RAB28: variants seen among roughly 807,000 people sequenced by gnomAD.
The protein encoded by RAB28 is ras-related protein Rab-28.
RAB28 carries 24 observed loss-of-function variants against 31.7 expected under a neutral mutation model. The observed-to-expected ratio is 0.76, with a 90% CI of 0.55 to 1.06. The LOEUF (loss-of-function observed/expected upper bound fraction) is 1.06, where lower values mean the gene tolerates loss of function less well. Among genes scored for constraint, RAB28 ranks in the 50% least tolerant of loss-of-function variants. The pLI is 0.00. For missense variants in RAB28, 254 were observed against 258.5 expected, an observed-to-expected ratio of 0.98 and a Z score of 0.12; for synonymous variants, 100 against 90.4, an observed-to-expected ratio of 1.11 and a Z score of -0.60.
At chr4:13,459,385 C>T (rs73231517) in intron 4 of RAB28, among the ~76,000 whole-genome samples, 28,690 of 152,134 alleles carry the variant, frequency 0.19, 3,320 homozygotes, top group Non-Finnish European at 0.25. Context: ...ATTAGTTCTG[C>T]CCCTCTACAG....
At chr4:13,372,933 T>C (rs1279542919) in intron 6 of RAB28, among the ~76,000 whole-genome samples, 1 of 151,802 alleles carries the variant, frequency 6.6e-6, no homozygotes, top group Non-Finnish European at 1.5e-5. Context: ...CAATAAGGAA[T>C]ATATATTTTT....
At chr4:13,474,597 A>G (rs1240875857) in intron 2 of RAB28, among the ~76,000 whole-genome samples, 191 bp from the exon 3 acceptor site, 1 of 151,596 alleles carries the variant, frequency 6.6e-6, no homozygotes, top group Non-Finnish European at 1.5e-5. Context: ...TGGGGAATCT[A>G]GTTTTATCTT....
At chr4:13,459,493 T>C (rs1715478092) in intron 4 of RAB28, among the ~76,000 whole-genome samples, 3 of 152,192 alleles carry the variant, frequency 2.0e-5, no homozygotes, top group African/African-American at 7.2e-5. Context: ...TGACTATATT[T>C]GAAAACCTTT....
chr4:13,481,804 CAG>C (rs933410870), intron 1 of RAB28, among the ~76,000 whole-genome samples: 21 of 152,034 alleles, frequency 1.4e-4, no homozygotes, highest in African/African-American at 5.1e-4. Flanking sequence ...GAAAAATGCT[CAG>C]AGTTAGATTG....
intron 4 of RAB28, among the ~76,000 whole-genome samples, chr4:13,442,297 C>G (rs1264376874): frequency 1.3e-5 from 2 of 151,910 alleles, no homozygotes; most frequent in Admixed American, 1.3e-4. Flanking sequence ...TGTACCTCAA[C>G]CAAAAACAGA....
At chr4:13,414,964 A>G (rs541789448) in intron 4 of RAB28, among the ~76,000 whole-genome samples, 1 of 152,358 alleles carries the variant, frequency 6.6e-6, no homozygotes, top group South Asian at 2.1e-4. Context: ...CTACTGAATG[A>G]TAAAATACTA....
chr4:13,439,022 A>G (rs1714276186), intron 4 of RAB28, among the ~76,000 whole-genome samples: 1 of 152,164 alleles, frequency 6.6e-6, no homozygotes, highest in African/African-American at 2.4e-5. Context: ...CATTTTCCCA[A>G]TGATTAATGA....
rs186646803 is a variant in RAB28, at chr4:13,430,172, A to T, written c.391+30527T>A. 2.3e-3 allele frequency among the ~76,000 whole-genome samples: 354 copies of T among 152,268 alleles called. 1 individual carries two copies. Among genetic ancestry groups the T allele is most frequent in the African/African-American group, 7.8e-3 (323 of 41,526 alleles). On this transcript the variant is annotated intron_variant, in intron 4 of 6. Transcript: ENST00000330852. Reference sequence around the variant, plus strand: ...CCCCTGCTCACATCATATTAAAAAAAATTTTTTTTTTACTCAAAATGGATC... The same window carrying T: ...CCCCTGCTCACATCATATTAAAAAATATTTTTTTTTTACTCAAAATGGATC...
intron 4 of RAB28, among the ~76,000 whole-genome samples, chr4:13,446,209 C>G (rs1335206876): frequency 1.3e-5 from 2 of 152,164 alleles, no homozygotes; most frequent in African/African-American, 4.8e-5. Flanking sequence ...GGCGGTAGCC[C>G]CTCCCCCAAC....
chr4:13,403,196 T>A (rs1244950823), intron 4 of RAB28, among the ~76,000 whole-genome samples: 1 of 152,218 alleles, frequency 6.6e-6, no homozygotes, highest in South Asian at 2.1e-4. Flanking sequence ...TCTATTCCTA[T>A]AAAACTATTT....
chr4:13,376,696 T>C, intron 5 of RAB28, 74 bp from the exon 6 acceptor site: 1 of 1,010,468 alleles, frequency 9.9e-7, no homozygotes, highest in South Asian at 1.9e-5. Flanking sequence ...CAGAATTTTC[T>C]TAAAAATGAT....
intron 4 of RAB28, among the ~76,000 whole-genome samples, chr4:13,436,125 A>T (rs1370104701): frequency 6.6e-6 from 1 of 152,214 alleles, no homozygotes; most frequent in East Asian, 1.9e-4. Context: ...ATCTCAATAG[A>T]TTCAGAAAAG....
intron 4 of RAB28, among the ~76,000 whole-genome samples, chr4:13,393,603 C>G (rs1460372037): frequency 6.6e-6 from 1 of 151,926 alleles, no homozygotes; most frequent in African/African-American, 2.4e-5. Flanking sequence ...AATTTAGAAT[C>G]TATTCAAAAG....
chr4:13,452,084 A>G (rs964366664), intron 4 of RAB28, among the ~76,000 whole-genome samples: 1 of 151,810 alleles, frequency 6.6e-6, no homozygotes, highest in African/African-American at 2.4e-5. Context: ...ATAGTTGTTC[A>G]CTGGAGTCTC....
At chr4:13,382,314 C>A (rs542374851) in intron 4 of RAB28, among the ~76,000 whole-genome samples, 4 of 152,210 alleles carry the variant, frequency 2.6e-5, no homozygotes, top group South Asian at 4.1e-4. Flanking sequence ...TTAACAGTTT[C>A]TCTTTTTACA....
chr4:13,397,463 T>G (rs944266587), intron 4 of RAB28, among the ~76,000 whole-genome samples: 1 of 152,130 alleles, frequency 6.6e-6, no homozygotes, highest in Non-Finnish European at 1.5e-5. Context: ...TTCTTCTGTA[T>G]GTAAAACAGA....
chr4:13,373,246 T>C (rs1158288246), intron 6 of RAB28, among the ~76,000 whole-genome samples: 2 of 152,042 alleles, frequency 1.3e-5, no homozygotes, highest in Non-Finnish European at 2.9e-5. Flanking sequence ...AAATTTATTT[T>C]TTCTCCTAAA....
chr4:13,474,491 C>T lies in RAB28; in HGVS notation c.173-85G>A, dbSNP rs141566251. The stretch of plus-strand genomic sequence containing the variant: ...ACAAGTGACACAGTATCACAGAATA[C>T]TAAGTCACAATAAGAAACTCTGAGC... On this transcript the variant is annotated intron_variant, in intron 2 of 6. Transcript: ENST00000330852. 5.2e-6 allele frequency: 4 copies of T among 766,700 alleles called. No individual in the cohort carries two copies. The African/African-American group carries it at 7.2e-5, about 14-fold the overall frequency. The allele number at this position is 766,700 out of a possible 1,614,324, so 47.5% of individuals were successfully genotyped here.
chr4:13,378,786 G>C (rs577879521), intron 5 of RAB28, among the ~76,000 whole-genome samples: 2 of 152,272 alleles, frequency 1.3e-5, no homozygotes, highest in African/African-American at 4.8e-5. Flanking sequence ...GATGAGGTTA[G>C]ACCTGGTAGC....
Sources: gnomAD v4.1 joint callset for allele counts (sites outside exome capture counted in the v4.1 genomes callset) on GRCh38, gnomAD v4.1.1 for gene constraint, MANE v1.5 for transcripts, NCBI Gene and HGNC (gene_info 2026-07-23, HGNC 2026-07-21) for gene names.